The following DCAF8L2 variants were observed in gnomAD, a reference collection of about 807,000 sequenced individuals.
The protein encoded by DCAF8L2 is DDB1 and CUL4 associated factor 8 like 2.
For missense variants in DCAF8L2, 430 were observed against 490.7 expected (o/e 0.88, Z 1.17); for synonymous variants, 200 against 190.9 (o/e 1.05, Z -0.39).
At chrX:27,655,968 C>G (rs1227304213) in intron 2 of DCAF8L2, among the ~76,000 whole-genome samples, 1 of 111,635 alleles carries the variant, frequency 9.0e-6, no homozygotes, top group Non-Finnish European at 1.9e-5. Context: ...TGACCCTACC[C>G]TTTGTTACAG....
At chrX:27,597,462 T>C (rs1194892893) in intron 1 of DCAF8L2, among the ~76,000 whole-genome samples, 1 of 111,296 alleles carries the variant, frequency 9.0e-6, no homozygotes, top group East Asian at 2.8e-4. Context: ...TAAAGCTGGG[T>C]AAAAAGGCCA....
the DCAF8L2 span, among the ~76,000 whole-genome samples, chrX:27,525,466 G>T: frequency 1.1e-3 from 118 of 111,762 alleles, 1 homozygote; most frequent in African/African-American, 3.7e-3. Flanking sequence ...CACACTGATA[G>T]GTCTTGACTC....
the DCAF8L2 span, among the ~76,000 whole-genome samples, chrX:27,547,281 C>T: frequency 2.0e-3 from 228 of 111,831 alleles, no homozygotes; most frequent in African/African-American, 7.1e-3. Flanking sequence ...ATAAGTGTCT[C>T]AGAAGTTCCA....
intron 4 of DCAF8L2, among the ~76,000 whole-genome samples, chrX:27,737,332 C>A (rs948714727): frequency 1.4e-4 from 16 of 111,391 alleles, no homozygotes; most frequent in African/African-American, 4.6e-4. Flanking sequence ...ACTAAGACTT[C>A]CCATTTTCCA....
the DCAF8L2 span, among the ~76,000 whole-genome samples, chrX:27,563,351 T>G: frequency 8.9e-6 from 1 of 112,375 alleles, no homozygotes; most frequent in Admixed American, 9.4e-5. Context: ...CTTTAATAAC[T>G]CTTGTCTGTG....
the DCAF8L2 span, among the ~76,000 whole-genome samples, chrX:27,577,472 A>T: frequency 8.9e-6 from 1 of 112,138 alleles, no homozygotes; most frequent in Non-Finnish European, 1.9e-5. Flanking sequence ...TGTTAGGATT[A>T]CTACATAATA....
the DCAF8L2 span, chrX:27,518,556 GGTGAAACCCC>G: frequency 3.2e-6 from 1 of 309,264 alleles, no homozygotes; most frequent in Non-Finnish European, 5.7e-6. Flanking sequence ...TGACCAACAT[GGTGAAACCCC>G]GTCTCTACTA....
Position 27,747,510 on chromosome X carries a change from A to G in DCAF8L2, c.615A>G (p.Val205=), listed in dbSNP as rs1364549549. The G allele has an allele frequency of 1.7e-6, 2 of 1,179,240 alleles. No individual in the cohort carries two copies. The highest frequency in any genetic ancestry group is 2.3e-6 in the Non-Finnish European group (2 of 879,018). The change falls in exon 5 of 5, where the codon GTA becomes GTG. Residue 205 remains valine, a synonymous_variant. Coordinates refer to ENST00000451261, the MANE Select transcript of DCAF8L2 (RefSeq NM_001353450.2). ...QRQLGSRPRF[V]YEACGARAFV... ...AGCTGGGTTCACGTCCCCGCTTTGT[A>G]TATGAGGCCTGTGGGGCAAGAGCCT...
chrX:27,488,150 A>G, the DCAF8L2 span, among the ~76,000 whole-genome samples: 2 of 111,678 alleles, frequency 1.8e-5, no homozygotes, highest in South Asian at 7.5e-4. Flanking sequence ...TATCATCAAC[A>G]ATACTGGCTA....
chrX:27,525,514 T>C, the DCAF8L2 span, among the ~76,000 whole-genome samples: 1 of 111,951 alleles, frequency 8.9e-6, no homozygotes, highest in African/African-American at 3.2e-5. Context: ...AATTGGAGCA[T>C]TTAGCCCATT....
chrX:27,502,335 AATATATATAT>A, the DCAF8L2 span, among the ~76,000 whole-genome samples: 184 of 12,699 alleles, frequency 0.014, 4 homozygotes, highest in African/African-American at 0.037. Context: ...AAAAAAAAAA[AATATATATAT>A]ATATATATAT....
intron 2 of DCAF8L2, among the ~76,000 whole-genome samples, chrX:27,669,566 G>A (rs1252910029): frequency 9.1e-6 from 1 of 109,614 alleles, no homozygotes; most frequent in Non-Finnish European, 1.9e-5. Flanking sequence ...ATGTTAGTGT[G>A]CTGCACCCAT....
chrX:27,729,384 T>C (rs1045763984), intron 4 of DCAF8L2, among the ~76,000 whole-genome samples: 11 of 112,665 alleles, frequency 9.8e-5, no homozygotes, highest in African/African-American at 3.5e-4. Flanking sequence ...GCACAGAAGT[T>C]CCTTCATGCT....
At chrX:27,478,696 A>G in the DCAF8L2 span, among the ~76,000 whole-genome samples, 1 of 112,378 alleles carries the variant, frequency 8.9e-6, no homozygotes, top group African/African-American at 3.2e-5. Flanking sequence ...CTTAGGAATT[A>G]TTAGAGCCAA....
chrX:27,565,312 T>C, the DCAF8L2 span, among the ~76,000 whole-genome samples: 2 of 111,629 alleles, frequency 1.8e-5, no homozygotes, highest in African/African-American at 6.5e-5. Flanking sequence ...GAGATGATTA[T>C]GTGGTTCTTT....
At chrX:27,704,153 A>AGT (rs1483739504) in intron 3 of DCAF8L2, among the ~76,000 whole-genome samples, 1 of 70,872 alleles carries the variant, frequency 1.4e-5, no homozygotes, top group Non-Finnish European at 2.4e-5. Flanking sequence ...ATAGTGCTGC[A>AGT]GTATATATAT....
chrX:27,587,985 A>AAATATATATAT, upstream of DCAF8L2, among the ~76,000 whole-genome samples: 8 of 22,365 alleles, frequency 3.6e-4, no homozygotes, highest in African/African-American at 7.9e-4. Context: ...TAAAAAAAAA[A>AAATATATATAT]ATATATATAT....
chrX:27,706,749 T>C (rs960544099), intron 3 of DCAF8L2, among the ~76,000 whole-genome samples: 3 of 111,201 alleles, frequency 2.7e-5, no homozygotes, highest in African/African-American at 6.5e-5. Flanking sequence ...AAACATAGAG[T>C]TCCATATGAC....
the DCAF8L2 span, among the ~76,000 whole-genome samples, chrX:27,565,456 C>G: frequency 2.7e-5 from 3 of 111,561 alleles, no homozygotes; most frequent in Admixed American, 1.9e-4. Context: ...AATCAGTTTG[C>G]TAGTATTTAA....
Sources: gnomAD v4.1 joint callset for allele counts (sites outside exome capture counted in the v4.1 genomes callset) on GRCh38, gnomAD v4.1.1 for gene constraint, MANE v1.5 for transcripts, NCBI Gene and HGNC (gene_info 2026-07-23, HGNC 2026-07-21) for gene names.